ANK2: variants seen among roughly 807,000 people sequenced by gnomAD.
The protein encoded by ANK2 is ankyrin 2, also known as ankyrin-2.
In ANK2, 83 loss-of-function variants were observed where a neutral mutation model predicts 360.5. The ratio of observed to expected loss-of-function variants is 0.23; its 90% CI spans 0.19 to 0.28. ANK2 has a LOEUF of 0.28. Ranked by LOEUF, ANK2 falls within the 10% of genes least tolerant of loss-of-function variation. ANK2 has a pLI of 1.00. For missense variants in ANK2, 4,201 were observed against 4,795.7 expected (o/e 0.88, Z 3.66); for synonymous variants, 1,740 against 1,759.5 (o/e 0.99, Z 0.28).
At chr4:113,271,989 C>T (rs753093554) in intron 14 of ANK2, among the ~76,000 whole-genome samples, 2 of 152,178 alleles carry the variant, frequency 1.3e-5, no homozygotes, top group African/African-American at 4.8e-5. Flanking sequence ...TCTGTTGGCA[C>T]AATTACAGGG....
At chr4:113,175,037 A>G (rs2098139386) in intron 2 of ANK2, among the ~76,000 whole-genome samples, 1 of 152,206 alleles carries the variant, frequency 6.6e-6, no homozygotes, top group Non-Finnish European at 1.5e-5. Flanking sequence ...AGAGAATATT[A>G]TACACTTTGG....
intron 2 of ANK2, among the ~76,000 whole-genome samples, chr4:112,996,947 A>G (rs1396898532): frequency 2.0e-5 from 3 of 152,016 alleles, no homozygotes; most frequent in African/African-American, 4.8e-5. Flanking sequence ...CCCTATGTCC[A>G]TGAATTTAAT....
intron 1 of ANK2, among the ~76,000 whole-genome samples, chr4:112,854,936 C>T (rs888573121): frequency 6.6e-6 from 1 of 152,004 alleles, no homozygotes; most frequent in African/African-American, 2.4e-5. Context: ...TTTCTTTTGA[C>T]TGGGTGTTAC....
At chr4:113,235,974 A>G (rs972065079) in intron 5 of ANK2, among the ~76,000 whole-genome samples, 2 of 121,520 alleles carry the variant, frequency 1.6e-5, no homozygotes, top group Admixed American at 8.4e-5. Flanking sequence ...TCCTGACCTC[A>G]TGATCTGCCC....
chr4:113,161,056 A>T (rs2097517368), intron 1 of ANK2, among the ~76,000 whole-genome samples: 1 of 152,250 alleles, frequency 6.6e-6, no homozygotes, highest in Admixed American at 6.5e-5. Flanking sequence ...TTCTTTTAAA[A>T]GAAGATCTTG....
In ANK2 at chr4:113,330,489, C is replaced by T; in HGVS notation, c.3125+19C>T. 6.2e-7 allele frequency: 1 copy of T among 1,611,778 alleles called. No individual in the cohort carries two copies. Among genetic ancestry groups the T allele is most frequent in the Non-Finnish European group, 8.5e-7 (1 of 1,178,128 alleles). ...TCCTTGGGTAAGGGTTTCTGATAAA[C>T]CTCCCACTTAGTCATCGATGAGCTT... On this transcript the variant is annotated intron_variant, in intron 27 of 45. Coordinates refer to ENST00000357077, the MANE Select transcript of ANK2 (RefSeq NM_001148.6).
chr4:113,222,164 C>T (rs114902846), intron 4 of ANK2, among the ~76,000 whole-genome samples: 1 of 152,160 alleles, frequency 6.6e-6, no homozygotes, highest in Non-Finnish European at 1.5e-5. Flanking sequence ...TTAGACTTCT[C>T]TCTTCTTACT....
intron 2 of ANK2, among the ~76,000 whole-genome samples, chr4:112,948,879 A>T (rs1205875213): frequency 6.6e-6 from 1 of 152,170 alleles, no homozygotes; most frequent in Non-Finnish European, 1.5e-5. Flanking sequence ...AGAGAGATAG[A>T]GGCAAAGGCA....
chr4:112,776,264 A>G, the ANK2 span, among the ~76,000 whole-genome samples: 1 of 152,260 alleles, frequency 6.6e-6, no homozygotes, highest in Non-Finnish European at 1.5e-5. Flanking sequence ...GCTTTACATG[A>G]CATGAGAATT....
intron 1 of ANK2, among the ~76,000 whole-genome samples, chr4:113,120,447 G>C (rs1044805019): frequency 3.3e-5 from 5 of 152,086 alleles, no homozygotes; most frequent in Non-Finnish European, 5.9e-5. Flanking sequence ...GCGAGACTTA[G>C]TTCTAAAAAG....
In ANK2 at chr4:113,354,135, T is replaced by G. The variant is rs1480003764; in HGVS notation, c.5517T>G (p.Thr1839=). The G allele has an allele frequency of 1.9e-6, 3 of 1,613,932 alleles. No individual in the cohort carries two copies. The highest frequency in any genetic ancestry group is 1.7e-5 in the Admixed American group (1 of 59,988). Residue 1839 remains threonine, a synonymous_variant, in exon 38 of 46, where the codon ACT becomes ACG. Coordinates refer to ENST00000357077, the MANE Select transcript of ANK2 (RefSeq NM_001148.6). ...CTACTCTTTCCTCTTCCGCAAAAAC[T>G]GAAAGGCACCCTCCAGTATCACCAT... ...RHSTLSSSAK[T]ERHPPVSPSS... is the part of the protein sequence containing the mutation.
intron 2 of ANK2, among the ~76,000 whole-genome samples, chr4:112,940,817 T>G (rs1484444593): frequency 1.3e-5 from 2 of 152,160 alleles, no homozygotes; most frequent in East Asian, 3.8e-4. Flanking sequence ...GATTTGTTCC[T>G]GAGGCATCTA....
the ANK2 span, among the ~76,000 whole-genome samples, chr4:112,707,692 G>A: frequency 6.6e-6 from 1 of 152,106 alleles, no homozygotes; most frequent in East Asian, 1.9e-4. Flanking sequence ...CATTGAGGAA[G>A]TAAAATTTGT....
chr4:112,918,622 A>G (rs1265591437), intron 2 of ANK2, among the ~76,000 whole-genome samples: 3 of 152,184 alleles, frequency 2.0e-5, no homozygotes, highest in Non-Finnish European at 2.9e-5. Context: ...ACACTCTAAC[A>G]AATAAAACTA....
intron 15 of ANK2, among the ~76,000 whole-genome samples, chr4:113,277,344 G>A (rs2153696895): frequency 1.3e-5 from 2 of 152,256 alleles, no homozygotes; most frequent in Non-Finnish European, 2.9e-5. Context: ...CATTTCTGCA[G>A]AAAATATGTC....
chr4:112,706,251 C>A, the ANK2 span, among the ~76,000 whole-genome samples: 1 of 152,126 alleles, frequency 6.6e-6, no homozygotes. Context: ...GGCGCCGGCA[C>A]CCCATTGTCC....
intron 2 of ANK2, among the ~76,000 whole-genome samples, chr4:112,924,308 C>T (rs556698731): frequency 3.9e-4 from 58 of 150,050 alleles, no homozygotes; most frequent in African/African-American, 1.3e-3. Flanking sequence ...ACGGAAGCTG[C>T]AGTGAGCTGA....
At chr4:113,074,702 G>A (rs919432166) in intron 1 of ANK2, among the ~76,000 whole-genome samples, 2 of 152,120 alleles carry the variant, frequency 1.3e-5, no homozygotes, top group Non-Finnish European at 2.9e-5. Flanking sequence ...CCAGGTAGAG[G>A]ATCAAAGACT....
In ANK2 at chr4:113,301,689, T is replaced by C. The variant is rs987304120; in HGVS notation, c.2476-1078T>C. Among the ~76,000 whole-genome samples, 6 of 152,198 alleles carry C rather than the reference T, an allele frequency of 3.9e-5. No homozygotes were observed. In the East Asian group the frequency reaches 7.7e-4, roughly 20 times the overall value. ...CCACCAGGTGTCTATTCTGTGCTTC[T>C]GTGAGTTTTTTAGATTCCACATATA... On this transcript the variant is annotated intron_variant, in intron 22 of 45. Transcript: ENST00000357077.
Sources: allele counts gnomAD v4.1 joint callset (sites outside exome capture counted in the v4.1 genomes callset), GRCh38; gene constraint gnomAD v4.1.1; transcripts MANE v1.5; gene names NCBI Gene and HGNC (gene_info 2026-07-23, HGNC 2026-07-21).